The following G3BP2 variants were observed in gnomAD, a reference collection of about 807,000 sequenced individuals.
G3BP2 encodes the protein ras GTPase-activating protein-binding protein 2.
G3BP2 carries 11 observed loss-of-function variants against 56.7 expected under a neutral mutation model. That is an observed-to-expected ratio of 0.19 (90% CI 0.12 to 0.32). The LOEUF (loss-of-function observed/expected upper bound fraction) is 0.32. Among genes scored for constraint, G3BP2 ranks in the 10% least tolerant of loss-of-function variants. The pLI is 1.00. For synonymous variants in G3BP2, 165 were observed against 191.6 expected, an observed-to-expected ratio of 0.86 and a Z score of 1.15; for missense variants, 340 against 610.9, an observed-to-expected ratio of 0.56 and a Z score of 4.67.
chr4:75,705,829 C>T (rs930495351), intron 3 of G3BP2, among the ~76,000 whole-genome samples: 3 of 152,074 alleles, frequency 2.0e-5, no homozygotes, highest in African/African-American at 7.2e-5. Flanking sequence ...ATCTATAGAC[C>T]AGCAAATGCC....
chr4:75,666,843 G>A (rs1030542728), intron 1 of G3BP2, among the ~76,000 whole-genome samples: 3 of 152,148 alleles, frequency 2.0e-5, no homozygotes, highest in East Asian at 3.9e-4. Flanking sequence ...TTAACAAAAC[G>A]AAACAAAATT....
upstream of G3BP2, among the ~76,000 whole-genome samples, chr4:75,678,143 TTTGTTGTTG>T (rs34746702): frequency 5.9e-5 from 9 of 151,848 alleles, no homozygotes; most frequent in South Asian, 4.2e-4. Flanking sequence ...GAAGGGTGGT[TTTGTTGTTG>T]TTGTTGTTGT....
At chr4:75,652,175 G>C (rs1348582673) in intron 8 of G3BP2, among the ~76,000 whole-genome samples, 1 of 152,182 alleles carries the variant, frequency 6.6e-6, no homozygotes, top group East Asian at 1.9e-4. Flanking sequence ...AACTAACTTT[G>C]AAAATATATT....
intron 3 of G3BP2, among the ~76,000 whole-genome samples, chr4:75,684,125 G>C (rs1422711590): frequency 2.0e-5 from 3 of 152,158 alleles, no homozygotes; most frequent in Non-Finnish European, 2.9e-5. Flanking sequence ...TCATAAATAG[G>C]CCGGGTGCGG....
At chr4:75,676,606 A>G (rs1276895708), upstream of G3BP2, among the ~76,000 whole-genome samples, 9 of 152,148 alleles carry the variant, frequency 5.9e-5, no homozygotes, top group East Asian at 1.5e-3. Flanking sequence ...CCGAATTGTC[A>G]ATACATTTCT....
At chr4:75,686,129 ATTGT>A (rs765106624) in intron 3 of G3BP2, among the ~76,000 whole-genome samples, 12 of 152,216 alleles carry the variant, frequency 7.9e-5, no homozygotes, top group Non-Finnish European at 8.8e-5. Context: ...CTTTATTTAA[ATTGT>A]TTGTTCAATG....
chr4:75,649,413 G>A (rs1731498908), intron 8 of G3BP2, among the ~76,000 whole-genome samples: 2 of 152,148 alleles, frequency 1.3e-5, no homozygotes, highest in South Asian at 4.1e-4. Context: ...TGCATTTGAA[G>A]TATTGGTCCC....
intron 3 of G3BP2, among the ~76,000 whole-genome samples, chr4:75,711,737 T>A (rs1719767203): frequency 6.6e-6 from 1 of 151,384 alleles, no homozygotes; most frequent in East Asian, 1.9e-4. Flanking sequence ...TATAATATAA[T>A]ATAAAGGAAA....
At chr4:75,653,743 CA>C (rs957168654) in intron 8 of G3BP2, among the ~76,000 whole-genome samples, 1 of 151,960 alleles carries the variant, frequency 6.6e-6, no homozygotes, top group African/African-American at 2.4e-5. Flanking sequence ...TTTTAAATGA[CA>C]ATATTATATA....
At chr4:75,660,147 G>T in intron 2 of G3BP2, among the ~76,000 whole-genome samples, 1 of 152,114 alleles carries the variant, frequency 6.6e-6, no homozygotes, top group Non-Finnish European at 1.5e-5. Context: ...AAACATGATG[G>T]TGTAGGGCCT....
intron 1 of G3BP2, among the ~76,000 whole-genome samples, chr4:75,670,012 T>G (rs1376077462): frequency 6.6e-6 from 1 of 152,220 alleles, no homozygotes; most frequent in Non-Finnish European, 1.5e-5. Flanking sequence ...GAGAATCGCT[T>G]GAACCCGGGG....
intron 1 of G3BP2, among the ~76,000 whole-genome samples, chr4:75,663,234 A>G (rs1467734843): frequency 6.6e-6 from 1 of 152,192 alleles, no homozygotes; most frequent in African/African-American, 2.4e-5. Flanking sequence ...CAACAAGAAC[A>G]ACTAACATGA....
intron 2 of G3BP2, among the ~76,000 whole-genome samples, chr4:75,660,599 C>A (rs993468964): frequency 4.6e-5 from 7 of 152,058 alleles, no homozygotes; most frequent in Admixed American, 3.3e-4. Context: ...TAGAGCCAAG[C>A]AAACAGTAAA....
intron 3 of G3BP2, among the ~76,000 whole-genome samples, chr4:75,697,818 C>T (rs1719185033): frequency 6.6e-6 from 1 of 152,114 alleles, no homozygotes; most frequent in African/African-American, 2.4e-5. Context: ...CCTATGATCC[C>T]AGCTACTCAG....
At chr4:75,694,784 T>C in intron 3 of G3BP2, 1 of 985,890 alleles carries the variant, frequency 1.0e-6, no homozygotes, top group South Asian at 4.7e-5. Flanking sequence ...AACCACTATG[T>C]CTTTATACCT....
At chr4:75,685,723 T>C (rs1473542807) in intron 3 of G3BP2, among the ~76,000 whole-genome samples, 1 of 152,112 alleles carries the variant, frequency 6.6e-6, no homozygotes, top group Non-Finnish European at 1.5e-5. Context: ...ATATAAACTA[T>C]CGTGATTATT....
Position 75,648,346 on chromosome 4 carries a change from C to CA in G3BP2, c.928+292dup, listed in dbSNP as rs755058695. ...CTGGCGACAGAGCAAGACTCCGTCT[C>CA]AAAAAAAAAACAAACAAACAAAAAA... On this transcript the variant is annotated intron_variant, in intron 9 of 11. Coordinates refer to ENST00000359707, the MANE Select transcript of G3BP2 (RefSeq NM_203505.3). Among the ~76,000 whole-genome samples the CA allele has an allele frequency of 3.4e-4, 32 of 94,494 alleles. 1 individual carries two copies. Among genetic ancestry groups the CA allele is most frequent in the South Asian group, 1.2e-3 (2 of 1,624 alleles). The allele number at this position is 94,494 out of a possible 152,430, so 62.0% of individuals were successfully genotyped here.
chr4:75,677,291 G>A (rs1255345610), upstream of G3BP2, among the ~76,000 whole-genome samples: 2 of 151,986 alleles, frequency 1.3e-5, no homozygotes, highest in East Asian at 3.9e-4. Context: ...GACTACATGC[G>A]GCTGGGCGCA....
At chr4:75,688,738 T>C (rs1718726163) in intron 3 of G3BP2, among the ~76,000 whole-genome samples, 1 of 152,194 alleles carries the variant, frequency 6.6e-6, no homozygotes, top group African/African-American at 2.4e-5. Flanking sequence ...AGGGAACAGA[T>C]TTCTGTAAAA....
Sources: gnomAD v4.1 joint callset for allele counts (sites outside exome capture counted in the v4.1 genomes callset) on GRCh38, gnomAD v4.1.1 for gene constraint, MANE v1.5 for transcripts, NCBI Gene and HGNC (gene_info 2026-07-23, HGNC 2026-07-21) for gene names.